Variants in SNX29 observed in about 807,000 individuals in gnomAD.
SNX29 encodes the protein sorting nexin-29.
SNX29 carries 78 observed loss-of-function variants against 102.1 expected under a neutral mutation model. The ratio of observed to expected loss-of-function variants is 0.76; its 90% CI spans 0.64 to 0.92. The LOEUF is 0.92. Ranked by LOEUF, SNX29 falls within the 40% of genes least tolerant of loss-of-function variation. The pLI is 0.00. For synonymous variants in SNX29, 580 were observed against 414.5 expected (o/e 1.40, Z -4.85); for missense variants, 1,280 against 1,061.7 (o/e 1.21, Z -2.86).
intron 3 of SNX29, among the ~76,000 whole-genome samples, chr16:12,003,711 A>G (rs1020874874): frequency 6.6e-6 from 1 of 152,208 alleles, no homozygotes; most frequent in Non-Finnish European, 1.5e-5. Flanking sequence ...TGACAAAAAT[A>G]ATTCCTAAAA....
intron 15 of SNX29, among the ~76,000 whole-genome samples, chr16:12,347,058 C>A (rs1217391555): frequency 6.6e-6 from 1 of 152,178 alleles, no homozygotes; most frequent in African/African-American, 2.4e-5. Flanking sequence ...AAACTGTAAT[C>A]CCATCCTGAT....
At chr16:12,123,493 T>TATCATATACATATAC (rs1294683364) in intron 11 of SNX29, among the ~76,000 whole-genome samples, 19 of 152,176 alleles carry the variant, frequency 1.2e-4, no homozygotes, top group African/African-American at 4.3e-4. Context: ...TATACATATA[T>TATCATATACATATAC]ATCATATACA....
chr16:12,355,568 C>G (rs939155950), intron 15 of SNX29, among the ~76,000 whole-genome samples: 1 of 152,212 alleles, frequency 6.6e-6, no homozygotes, highest in East Asian at 1.9e-4. Context: ...GAGAGTGTAG[C>G]AGGATTACAT....
chr16:12,116,031 A>G (rs2053684698), intron 11 of SNX29, among the ~76,000 whole-genome samples: 1 of 152,230 alleles, frequency 6.6e-6, no homozygotes, highest in South Asian at 2.1e-4. Flanking sequence ...ATCCAAATTG[A>G]CCGTGCCAGG....
At chr16:12,564,194 C>G (rs2078890879) in intron 20 of SNX29, among the ~76,000 whole-genome samples, 1 of 150,156 alleles carries the variant, frequency 6.7e-6, no homozygotes, top group Non-Finnish European at 1.5e-5. Flanking sequence ...TTGAGACCGT[C>G]CTGGGCACCA....
At chr16:12,453,150 G>T (rs1303413522) in intron 18 of SNX29, among the ~76,000 whole-genome samples, 1 of 152,210 alleles carries the variant, frequency 6.6e-6, no homozygotes, top group Admixed American at 6.5e-5. Flanking sequence ...CGAACCAACT[G>T]CTGTAAGCCT....
At chr16:12,149,897 C>G (rs1342132441) in intron 13 of SNX29, among the ~76,000 whole-genome samples, 3 of 152,098 alleles carry the variant, frequency 2.0e-5, no homozygotes, top group Non-Finnish European at 4.4e-5. Flanking sequence ...AGAGTGCACT[C>G]CAGTTAGAAC....
chr16:11,992,564 C>T (rs954249516), intron 1 of SNX29, among the ~76,000 whole-genome samples: 1 of 151,830 alleles, frequency 6.6e-6, no homozygotes, highest in East Asian at 1.9e-4. Context: ...TTTGCAAGCA[C>T]GGCTCAGGTT....
rs532435332 is a variant in SNX29, at chr16:12,432,617, G to A, written c.2037+29088G>A. Among the ~76,000 whole-genome samples, 84 of 152,360 alleles carry A rather than the reference G, an allele frequency of 5.5e-4. 1 individual carries two copies. In the South Asian group the frequency reaches 0.012, roughly 21 times the overall value. On this transcript the variant is annotated intron_variant, in intron 18 of 20. Coordinates refer to ENST00000566228, the MANE Select transcript of SNX29 (RefSeq NM_032167.5). ...AGCAGCAACGCCACACACGTGCCGC[G>A]CGTCACCTCCTGTAGGCCCAGGGGC...
At chr16:12,474,461 G>A (rs892379996) in intron 18 of SNX29, among the ~76,000 whole-genome samples, 7 of 152,128 alleles carry the variant, frequency 4.6e-5, no homozygotes, top group Admixed American at 1.3e-4. Flanking sequence ...TGTGTGTTCC[G>A]GGGAGAGGCA....
At chr16:12,236,373 T>C (rs1338703174) in intron 14 of SNX29, among the ~76,000 whole-genome samples, 2 of 152,116 alleles carry the variant, frequency 1.3e-5, no homozygotes, top group South Asian at 4.1e-4. Flanking sequence ...GGTGACCTCT[T>C]TTTGTACTTT....
intron 20 of SNX29, among the ~76,000 whole-genome samples, chr16:12,555,213 C>T (rs142107909): frequency 5.7e-4 from 86 of 151,970 alleles, no homozygotes; most frequent in African/African-American, 2.0e-3. Context: ...CTATGGGCAG[C>T]TGCTGGGTAC....
chr16:12,055,996 C>G (rs1042416264), intron 8 of SNX29, among the ~76,000 whole-genome samples: 2 of 152,146 alleles, frequency 1.3e-5, no homozygotes, highest in Non-Finnish European at 2.9e-5. Flanking sequence ...ATTCTCCTGC[C>G]TCAGCCTCCA....
At chr16:12,199,377 A>AT (rs1391267429) in intron 13 of SNX29, among the ~76,000 whole-genome samples, 1 of 152,208 alleles carries the variant, frequency 6.6e-6, no homozygotes, top group African/African-American at 2.4e-5. Context: ...ATTGGTGCTT[A>AT]TCTGTCTCAT....
chr16:12,542,620 C>A (rs138595658), intron 20 of SNX29, among the ~76,000 whole-genome samples: 4 of 152,240 alleles, frequency 2.6e-5, no homozygotes, highest in African/African-American at 4.8e-5. Context: ...GCGTGAGCCA[C>A]GGCACCCAGT....
chr16:12,090,932 T>C (rs1398330614), intron 11 of SNX29, among the ~76,000 whole-genome samples: 2 of 143,288 alleles, frequency 1.4e-5, no homozygotes, highest in African/African-American at 2.7e-5. Context: ...GGAGAATCAC[T>C]TGAACCCAGG....
chr16:12,541,165 G>C (rs2077318169), intron 20 of SNX29, among the ~76,000 whole-genome samples: 3 of 152,148 alleles, frequency 2.0e-5, no homozygotes, highest in Admixed American at 2.0e-4. Flanking sequence ...CCCAGACCTG[G>C]AACCTCTTCC....
chr16:12,092,017 C>T (rs1013419673), intron 11 of SNX29, among the ~76,000 whole-genome samples: 1 of 152,128 alleles, frequency 6.6e-6, no homozygotes, highest in African/African-American at 2.4e-5. Flanking sequence ...CGGAGGTGCT[C>T]CTGCAAGAGG....
intron 19 of SNX29, among the ~76,000 whole-genome samples, chr16:12,498,772 A>G (rs1205299670): frequency 6.6e-6 from 1 of 152,222 alleles, no homozygotes; most frequent in African/African-American, 2.4e-5. Context: ...ACCAAACAGC[A>G]TAGAATTTTT....
Sources: allele counts gnomAD v4.1 joint callset (sites outside exome capture counted in the v4.1 genomes callset), GRCh38; gene constraint gnomAD v4.1.1; transcripts MANE v1.5; gene names NCBI Gene and HGNC (gene_info 2026-07-23, HGNC 2026-07-21).